Variants in EGFR observed in about 807,000 individuals in gnomAD.
EGFR encodes the protein epidermal growth factor receptor.
EGFR carries 58 observed loss-of-function variants against 143.0 expected under a neutral mutation model. That is an observed-to-expected ratio of 0.41 (90% CI 0.33 to 0.50). EGFR has a LOEUF of 0.50. Among genes scored for constraint, EGFR ranks in the 20% least tolerant of loss-of-function variants. The probability of loss-of-function intolerance (pLI) is 0.39; values close to 1 mark genes in which losing one functional copy is unlikely to be tolerated. For synonymous variants in EGFR, 613 were observed against 594.4 expected (o/e 1.03, Z -0.45); for missense variants, 1,307 against 1,579.0 (o/e 0.83, Z 2.92).
chr7:55,162,011 G>T (rs1342870154), intron 13 of EGFR, among the ~76,000 whole-genome samples: 1 of 152,188 alleles, frequency 6.6e-6, no homozygotes, highest in Non-Finnish European at 1.5e-5. Context: ...TTCCTGGTGT[G>T]TGAAAATAAA....
rs1788155783 is a variant in EGFR, at chr7:55,208,202, C to T, written c.*2585C>T. On this transcript the variant is annotated 3_prime_UTR_variant, in exon 28 of 28. Coordinates refer to ENST00000275493, the MANE Select transcript of EGFR (RefSeq NM_005228.5). ...TTCATCTGTCCAGGGAGGCACAGTT[C>T]TGTCTGGTAGAAGCCGCAAAGCCCT... is the stretch of plus-strand genomic sequence containing the variant. 1 of 152,176 alleles carries T rather than the reference C, an allele frequency of 6.6e-6. No homozygotes were observed. The highest frequency in any genetic ancestry group is 2.1e-4 in the South Asian group (1 of 4,830). The allele number at this position is 152,176 out of a possible 1,614,324, so 9.4% of individuals were successfully genotyped here.
intron 1 of EGFR, among the ~76,000 whole-genome samples, chr7:55,073,276 C>A (rs985110000): frequency 6.6e-6 from 1 of 152,220 alleles, no homozygotes; most frequent in African/African-American, 2.4e-5. Flanking sequence ...AGCCACGCTG[C>A]CTTGCACAAG....
intron 1 of EGFR, among the ~76,000 whole-genome samples, chr7:55,077,986 C>T (rs1381938831): frequency 6.6e-6 from 1 of 152,060 alleles, no homozygotes; most frequent in Non-Finnish European, 1.5e-5. Flanking sequence ...CCGGTGACGC[C>T]GTGGGTGTGG....
intron 20 of EGFR, among the ~76,000 whole-genome samples, chr7:55,187,862 G>C (rs1330527725): frequency 6.6e-6 from 1 of 152,190 alleles, no homozygotes. Context: ...AAGGTTGAGG[G>C]GAGAACACCA....
At chr7:55,027,653 G>A (rs976233918) in intron 1 of EGFR, among the ~76,000 whole-genome samples, 4 of 152,142 alleles carry the variant, frequency 2.6e-5, no homozygotes, top group African/African-American at 4.8e-5. Flanking sequence ...CCTAAAATGT[G>A]TTATGAATAA....
intron 1 of EGFR, among the ~76,000 whole-genome samples, chr7:55,084,414 G>A (rs1227235243): frequency 6.6e-6 from 1 of 152,172 alleles, no homozygotes; most frequent in African/African-American, 2.4e-5. Context: ...ATTCTTCATG[G>A]CTTTTACCTG....
chr7:55,069,566 C>G (rs558375009), intron 1 of EGFR, among the ~76,000 whole-genome samples: 1 of 152,214 alleles, frequency 6.6e-6, no homozygotes, highest in African/African-American at 2.4e-5. Flanking sequence ...ACGTACTTTA[C>G]CCCCAAGACC....
chr7:55,049,789 C>A (rs921005908), intron 1 of EGFR, among the ~76,000 whole-genome samples: 9 of 152,172 alleles, frequency 5.9e-5, no homozygotes, highest in African/African-American at 2.2e-4. Context: ...GAGCACAAAT[C>A]CCTTGCTTAC....
At chr7:55,129,431 T>G (rs552744243) in intron 1 of EGFR, among the ~76,000 whole-genome samples, 7 of 152,354 alleles carry the variant, frequency 4.6e-5, no homozygotes, top group African/African-American at 1.7e-4. Flanking sequence ...TGGTTTCAGC[T>G]TAACATAAGG....
chr7:55,048,956 T>C (rs1788331390), intron 1 of EGFR, among the ~76,000 whole-genome samples: 1 of 152,214 alleles, frequency 6.6e-6, no homozygotes, highest in Non-Finnish European at 1.5e-5. Context: ...AATAGTCATA[T>C]GGCACAGACT....
intron 1 of EGFR, among the ~76,000 whole-genome samples, chr7:55,115,116 G>C (rs891856238): frequency 6.6e-6 from 1 of 152,006 alleles, no homozygotes; most frequent in African/African-American, 2.4e-5. Context: ...TGATCTGCCC[G>C]CCTCAGCCTC....
At chr7:55,192,337 C>T (rs1416258434) in intron 21 of EGFR, among the ~76,000 whole-genome samples, 2 of 152,124 alleles carry the variant, frequency 1.3e-5, no homozygotes, top group Non-Finnish European at 2.9e-5. Flanking sequence ...CTCGGTTTCT[C>T]TTAGGGACCC....
intron 1 of EGFR, among the ~76,000 whole-genome samples, chr7:55,128,864 A>G (rs562897760): frequency 2.0e-5 from 3 of 152,322 alleles, no homozygotes; most frequent in Admixed American, 6.5e-5. Context: ...CGTCAGGCCT[A>G]CTATTAATAG....
At chr7:55,050,969 G>C (rs1788454418) in intron 1 of EGFR, among the ~76,000 whole-genome samples, 1 of 152,172 alleles carries the variant, frequency 6.6e-6, no homozygotes, top group African/African-American at 2.4e-5. Context: ...GTCCTGCGGT[G>C]GGCTGTGTGT....
chr7:55,150,419 TGG>T (rs1785093639), intron 4 of EGFR, among the ~76,000 whole-genome samples: 1 of 152,194 alleles, frequency 6.6e-6, no homozygotes, highest in South Asian at 2.1e-4. Context: ...CCCTTTGCCT[TGG>T]TGGTATTCTG....
chr7:55,116,273 C>A (rs1316830029), intron 1 of EGFR, among the ~76,000 whole-genome samples: 1 of 152,214 alleles, frequency 6.6e-6, no homozygotes, highest in Non-Finnish European at 1.5e-5. Flanking sequence ...TGCTCTGGGG[C>A]CAGCTATTGA....
chr7:55,069,261 G>T (rs942857388), intron 1 of EGFR, among the ~76,000 whole-genome samples: 1 of 152,138 alleles, frequency 6.6e-6, no homozygotes, highest in African/African-American at 2.4e-5. Context: ...TATCGAGGTG[G>T]CCCTTGAGTG....
intron 1 of EGFR, among the ~76,000 whole-genome samples, chr7:55,080,378 A>G (rs945643723): frequency 6.6e-5 from 10 of 152,124 alleles, no homozygotes; most frequent in Non-Finnish European, 1.3e-4. Context: ...TAAAAAAAAA[A>G]AAAGAAGGAA....
At chr7:55,134,040 C>T (rs1174780655) in intron 1 of EGFR, among the ~76,000 whole-genome samples, 4 of 152,252 alleles carry the variant, frequency 2.6e-5, no homozygotes, top group African/African-American at 7.2e-5. Context: ...AGGCCCAGCA[C>T]GCTCACTGCT....
Sources: allele counts gnomAD v4.1 joint callset (sites outside exome capture counted in the v4.1 genomes callset), GRCh38; gene constraint gnomAD v4.1.1; transcripts MANE v1.5; gene names NCBI Gene and HGNC (gene_info 2026-07-23, HGNC 2026-07-21).